The following CLNK variants were observed in gnomAD, a reference collection of about 807,000 sequenced individuals.
The protein encoded by CLNK is cytokine dependent hematopoietic cell linker.
In CLNK, 74 loss-of-function variants were observed where a neutral mutation model predicts 68.6. The observed-to-expected ratio is 1.08, with a 90% confidence interval of 0.89 to 1.31. The LOEUF is 1.31. Ranked by LOEUF, CLNK falls within the 50% of genes most tolerant of loss-of-function variation. The pLI is 0.00. For missense variants in CLNK, 553 were observed against 515.3 expected, an observed-to-expected ratio of 1.07 and a Z score of -0.71; for synonymous variants, 198 against 172.2, an observed-to-expected ratio of 1.15 and a Z score of -1.17.
At chr4:10,724,534 T>G in the CLNK span, among the ~76,000 whole-genome samples, 712 of 150,944 alleles carry the variant, frequency 4.7e-3, 3 homozygotes, top group Non-Finnish European at 6.6e-3. Flanking sequence ...GGCAGAAAGT[T>G]CTTTCTGTTT....
intron 2 of CLNK, among the ~76,000 whole-genome samples, chr4:10,664,498 TTC>T (rs1293602082): frequency 6.6e-6 from 1 of 152,222 alleles, no homozygotes; most frequent in Non-Finnish European, 1.5e-5. Flanking sequence ...ATGTGGCTCC[TTC>T]TCTGAGTCAT....
At chr4:10,574,775 C>T (rs186453059) in intron 4 of CLNK, among the ~76,000 whole-genome samples, 7 of 152,314 alleles carry the variant, frequency 4.6e-5, no homozygotes, top group East Asian at 3.9e-4. Context: ...CTGACCTAAC[C>T]GCTTATGTTA....
intron 7 of CLNK, among the ~76,000 whole-genome samples, chr4:10,560,911 T>G (rs1418914837): frequency 1.3e-5 from 2 of 151,990 alleles, no homozygotes; most frequent in Admixed American, 6.6e-5. Context: ...CTCTTTTTTT[T>G]TCTGAGACAA....
intron 2 of CLNK, among the ~76,000 whole-genome samples, chr4:10,632,801 G>C (rs977514569): frequency 6.6e-6 from 1 of 152,094 alleles, no homozygotes; most frequent in Non-Finnish European, 1.5e-5. Context: ...AATTTTCAAT[G>C]CTCTCACTAC....
At chr4:10,508,105 C>G in intron 16 of CLNK, 69 bp from the exon 17 acceptor site, 1 of 1,265,778 alleles carries the variant, frequency 7.9e-7, no homozygotes, top group Non-Finnish European at 1.1e-6. Context: ...TTAATTAATT[C>G]AAAATTTACT....
intron 18 of CLNK, among the ~76,000 whole-genome samples, 162 bp downstream of exon 18, chr4:10,501,094 C>T (rs1385171376): frequency 2.0e-5 from 3 of 152,142 alleles, no homozygotes; most frequent in Non-Finnish European, 4.4e-5. Context: ...CCTGGTAGGC[C>T]AAAGTGTAAG....
intron 17 of CLNK, among the ~76,000 whole-genome samples, chr4:10,503,814 C>T (rs1005484494): frequency 1.5e-4 from 17 of 114,806 alleles, no homozygotes; most frequent in African/African-American, 5.4e-4. Flanking sequence ...ATGGAGTCTC[C>T]CTCTGTTGCC....
At chr4:10,595,034 T>G (rs1721332014) in intron 3 of CLNK, among the ~76,000 whole-genome samples, 1 of 152,066 alleles carries the variant, frequency 6.6e-6, no homozygotes, top group Non-Finnish European at 1.5e-5. Flanking sequence ...GAGGCGGAGA[T>G]TGCGCGATTG....
chr4:10,635,409 T>C (rs953198262), intron 2 of CLNK, among the ~76,000 whole-genome samples: 1 of 152,138 alleles, frequency 6.6e-6, no homozygotes, highest in Non-Finnish European at 1.5e-5. Flanking sequence ...ACTAATCTCT[T>C]GGCCAGAATT....
chr4:10,608,076 T>C (rs1255980719), intron 2 of CLNK, among the ~76,000 whole-genome samples: 1 of 152,192 alleles, frequency 6.6e-6, no homozygotes, highest in Non-Finnish European at 1.5e-5. Context: ...ATATGTAACA[T>C]GACATGAGAA....
intron 2 of CLNK, among the ~76,000 whole-genome samples, chr4:10,634,543 G>A (rs369416328): frequency 3.9e-5 from 6 of 152,174 alleles, no homozygotes; most frequent in African/African-American, 1.4e-4. Context: ...CAGCAGCCTG[G>A]ATTCTGCCTA....
At chr4:10,578,637 A>C (rs1054727397) in intron 4 of CLNK, among the ~76,000 whole-genome samples, 3 of 113,960 alleles carry the variant, frequency 2.6e-5, no homozygotes, top group African/African-American at 3.5e-5. Context: ...CCCAGGCTGG[A>C]GTGCAGTGGC....
At chr4:10,516,794 G>T (rs969320161) in intron 15 of CLNK, among the ~76,000 whole-genome samples, 1 of 152,064 alleles carries the variant, frequency 6.6e-6, no homozygotes, top group Non-Finnish European at 1.5e-5. Context: ...CAGGCGATCC[G>T]CCCACCTCGG....
chr4:10,696,730 G>A, the CLNK span, among the ~76,000 whole-genome samples: 1 of 152,066 alleles, frequency 6.6e-6, no homozygotes, highest in African/African-American at 2.4e-5. Flanking sequence ...TTTCCCATTT[G>A]CCCTCATTCC....
chr4:10,722,618 AACAC>A, the CLNK span, among the ~76,000 whole-genome samples: 1 of 152,210 alleles, frequency 6.6e-6, no homozygotes, highest in Non-Finnish European at 1.5e-5. Context: ...AATTACACAA[AACAC>A]ACAAACAAAG....
intron 2 of CLNK, among the ~76,000 whole-genome samples, chr4:10,667,416 A>ATT (rs139042232): frequency 0.011 from 1,136 of 100,034 alleles, 13 homozygotes; most frequent in African/African-American, 0.029. Flanking sequence ...CAGGGATGGC[A>ATT]TTTTTTTTTT....
chr4:10,505,676 G>T (rs555315707), intron 17 of CLNK, among the ~76,000 whole-genome samples: 1 of 152,018 alleles, frequency 6.6e-6, no homozygotes, highest in East Asian at 1.9e-4. Flanking sequence ...TCATTATCAC[G>T]TCCCTCCTCT....
chr4:10,710,889 T>A, the CLNK span, among the ~76,000 whole-genome samples: 5 of 152,204 alleles, frequency 3.3e-5, no homozygotes, highest in Admixed American at 1.3e-4. Flanking sequence ...AAGAATTTGA[T>A]GAGAAGCATT....
At chr4:10,582,423 GT>G (rs1218922191) in intron 4 of CLNK, among the ~76,000 whole-genome samples, 1 of 152,110 alleles carries the variant, frequency 6.6e-6, no homozygotes, top group Non-Finnish European at 1.5e-5. Context: ...GAAATTTCTT[GT>G]CTTTTAAATC....
Sources: gnomAD v4.1 joint callset for allele counts (sites outside exome capture counted in the v4.1 genomes callset) on GRCh38, gnomAD v4.1.1 for gene constraint, MANE v1.5 for transcripts, NCBI Gene and HGNC (gene_info 2026-07-23, HGNC 2026-07-21) for gene names.